The following SAFB2 variants were observed in gnomAD, a reference collection of about 807,000 sequenced individuals.
The protein encoded by SAFB2 is scaffold attachment factor B2.
SAFB2 carries 32 observed loss-of-function variants against 100.6 expected under a neutral mutation model. The ratio of observed to expected loss-of-function variants is 0.32; its 90% CI spans 0.24 to 0.43. The LOEUF is 0.43. Among genes scored for constraint, SAFB2 ranks in the 20% least tolerant of loss-of-function variants. SAFB2 has a pLI of 1.00. For synonymous variants in SAFB2, 500 were observed against 439.4 expected, an observed-to-expected ratio of 1.14 and a Z score of -1.72; for missense variants, 1,185 against 1,163.4, an observed-to-expected ratio of 1.02 and a Z score of -0.27.
rs960661563 is a variant in SAFB2, at chr19:5,610,470, G to A, written c.1195+169C>T. On this transcript the variant is annotated intron_variant, in intron 8 of 20. Transcript: ENST00000252542. ...AACCACAAGAGAAACATAAAATGCAGGTGCTTGCGAACTTCTAAAACTAGT... is the reference window on the plus strand; with the variant it reads ...AACCACAAGAGAAACATAAAATGCAAGTGCTTGCGAACTTCTAAAACTAGT... 12 of 635,602 alleles carry A rather than the reference G, an allele frequency of 1.9e-5. No individual in the cohort carries two copies. The Admixed American group carries it at 3.5e-4, about 19-fold the overall frequency. The allele number at this position is 635,602 out of a possible 1,614,324, so 39.4% of individuals were successfully genotyped here.
At chr19:5,595,986 C>G (rs181913162) in intron 13 of SAFB2, among the ~76,000 whole-genome samples, 8 of 152,254 alleles carry the variant, frequency 5.3e-5, no homozygotes, top group Admixed American at 5.2e-4. Flanking sequence ...TATGCCAGGC[C>G]GGGCGCAGTG....
chr19:5,598,152 A>T (rs1029217370), intron 13 of SAFB2, among the ~76,000 whole-genome samples: 68 of 152,092 alleles, frequency 4.5e-4, no homozygotes, highest in Non-Finnish European at 7.4e-4. Context: ...AAAAAAAAAA[A>T]AAGTTAAGTC....
rs754239562 is a variant in SAFB2, at chr19:5,610,060, C to T, written c.1231G>A (p.Val411Ile). Reference sequence around the variant, plus strand: ...CGTGTTGTGGAGGACAGCCCGCTGACCCACAGGTTCCGACCAGAACCGCTG... The same window carrying T: ...CGTGTTGTGGAGGACAGCCCGCTGATCCACAGGTTCCGACCAGAACCGCTG... The part of the protein sequence containing the change: ...VGSGSGRNLW[V>I]SGLSSTTRAT... The change falls in exon 9 of 21, where the codon GTC (valine) becomes ATC (isoleucine). Residue 411 changes from valine to isoleucine, a missense_variant. By Grantham distance (29) the Val-to-Ile change is conservative. Around this residue, in one of 3 missense-constraint regions of SAFB2, gnomAD observed 94 missense variants for 135.1 expected, o/e 0.70. Transcript: ENST00000252542. 5 of 1,614,054 alleles carry T rather than the reference C, an allele frequency of 3.1e-6. No homozygotes were observed. The highest frequency in any genetic ancestry group is 4.2e-6 in the Non-Finnish European group (5 of 1,180,034).
intron 14 of SAFB2, 86 bp from the exon 15 acceptor site, chr19:5,594,264 A>C: frequency 1.4e-6 from 2 of 1,420,842 alleles, no homozygotes; most frequent in Non-Finnish European, 9.2e-7. Context: ...TGTGTATTGG[A>C]AGCAGAAAAA....
chr19:5,616,190 C>CAAAAGG lies in SAFB2; in HGVS notation c.484_485insCCTTTT (p.Ser162delinsThrPheCys). On this transcript the variant is annotated protein_altering_variant, in exon 4 of 21. Coordinates refer to ENST00000252542, the MANE Select transcript of SAFB2 (RefSeq NM_014649.3). ...CAGCTGTGCAGCCACGTATTCTTTA[C>CAAAAGG]TATCACAAAAGGAATCGAGAAGGCC... The CAAAAGG allele has an allele frequency of 6.2e-7, 1 of 1,614,236 alleles. No homozygotes were observed. Among genetic ancestry groups the CAAAAGG allele is most frequent in the Non-Finnish European group, 8.5e-7 (1 of 1,180,054 alleles).
Position 5,602,166 on chromosome 19 carries a change from C to A in SAFB2, c.1560-1906G>T, listed in dbSNP as rs571501623. ...CTCAACCTCCTAGGCAAACAACCTG[C>A]ATGCAGTTTGGTCTTAAAGATCTTA... On this transcript the variant is annotated intron_variant, in intron 11 of 20. Transcript: ENST00000252542. 6.6e-5 allele frequency among the ~76,000 whole-genome samples: 10 copies of A among 152,242 alleles called. No individual in the cohort carries two copies. In the South Asian group the frequency reaches 1.5e-3, roughly 22 times the overall value.
At position 5,617,007 on chromosome 19, in the gene SAFB2, A is replaced by G. The variant is rs199924768; in HGVS notation, c.275-521T>C. ...GAGATGAAAATCTAGGATTCCTCTT[A>G]GATTCAGAGTACTCTGATTTTCCAC... On this transcript the variant is annotated intron_variant, in intron 2 of 20. Transcript: ENST00000252542. Among the ~76,000 whole-genome samples, 11 of 152,244 alleles carry G rather than the reference A, an allele frequency of 7.2e-5. No individual in the cohort carries two copies. In the East Asian group the frequency reaches 2.1e-3, roughly 29 times the overall value.
Position 5,600,147 on chromosome 19 carries a change from G to A in SAFB2, c.1673C>T (p.Ser558Phe), listed in dbSNP as rs2052623823. The A allele has an allele frequency of 1.2e-6, 2 of 1,613,954 alleles. No individual in the cohort carries two copies. Among genetic ancestry groups the A allele is most frequent in the Non-Finnish European group, 8.5e-7 (1 of 1,179,968 alleles). Residue 558 changes from serine (S) to phenylalanine (F), a missense_variant, in exon 12 of 21, where the codon TCT becomes TTT. Physicochemically the swap from Ser to Phe is radical, Grantham distance 155. This residue lies in a region of SAFB2 where 740 missense variants were observed against 687.1 expected (regional missense o/e 1.08). Transcript: ENST00000252542. ...CTCCTCACCTGATTTGGTGACTCTA[G>A]ACCGATTTGTAGGTCCGGGTTTCAG... ...DELKPGPTNRSRVTKSGSRGM... is the reference protein window; with the variant it reads ...DELKPGPTNRFRVTKSGSRGM...
intron 11 of SAFB2, among the ~76,000 whole-genome samples, chr19:5,604,274 C>T (rs1599254227): frequency 6.6e-6 from 1 of 152,128 alleles, no homozygotes; most frequent in Admixed American, 6.6e-5. Flanking sequence ...GGGTGGTGTA[C>T]GCCTGCAGTA....
chr19:5,604,812 T>C lies in SAFB2; in HGVS notation c.1421A>G (p.His474Arg), dbSNP rs2145339394. ...CISHLHRTEL[H>R]GRMISVEKAK... is the part of the protein sequence containing the mutation. ...CTTCTCTACGGAGATCATTCGTCCA[T>C]GCAGCTCAGTTCTGTGGAGATGGCT... The change falls in exon 10 of 21, where the codon CAT becomes CGT. Residue 474 changes from histidine to arginine, a missense_variant. His to Arg is a conservative substitution (Grantham distance 29, BLOSUM62 0). This residue lies in a region of SAFB2 where 94 missense variants were observed against 135.1 expected (regional missense o/e 0.70). Coordinates refer to ENST00000252542, the MANE Select transcript of SAFB2 (RefSeq NM_014649.3). 2 of 1,614,184 alleles carry C rather than the reference T, an allele frequency of 1.2e-6. No individual in the cohort carries two copies. Among genetic ancestry groups the C allele is most frequent in the South Asian group, 1.1e-5 (1 of 91,074 alleles).
intron 4 of SAFB2, among the ~76,000 whole-genome samples, chr19:5,615,730 A>C (rs1257442503): frequency 6.6e-6 from 1 of 152,142 alleles, no homozygotes; most frequent in Non-Finnish European, 1.5e-5. Context: ...TTGCTTCTTA[A>C]AACTGTATTT....
At chr19:5,595,841 C>G (rs1486737751) in intron 13 of SAFB2, among the ~76,000 whole-genome samples, 1 of 152,242 alleles carries the variant, frequency 6.6e-6, no homozygotes, top group Non-Finnish European at 1.5e-5. Context: ...ACGGGCACAT[C>G]CGCACAGGGC....
At chr19:5,619,539 T>C (rs1229130401) in intron 2 of SAFB2, among the ~76,000 whole-genome samples, 1 of 152,200 alleles carries the variant, frequency 6.6e-6, no homozygotes, top group Non-Finnish European at 1.5e-5. Flanking sequence ...GCAAAGATCA[T>C]TAGAAATGAT....
At chr19:5,621,848 C>G (rs957631946) in intron 1 of SAFB2, among the ~76,000 whole-genome samples, 1 of 152,222 alleles carries the variant, frequency 6.6e-6, no homozygotes, top group Non-Finnish European at 1.5e-5. Flanking sequence ...GACTGGGTAC[C>G]CACAAGCTCC....
chr19:5,613,362 C>CAGTA (rs1264170495), intron 5 of SAFB2, 103 bp downstream of exon 5: 16 of 1,028,326 alleles, frequency 1.6e-5, no homozygotes, highest in Non-Finnish European at 2.2e-5. Context: ...GCATCCAGCA[C>CAGTA]AGTATCCAGT....
chr19:5,611,790 C>T (rs1166465604), intron 6 of SAFB2, 160 bp from the exon 7 acceptor site: 4 of 588,730 alleles, frequency 6.8e-6, no homozygotes, highest in Non-Finnish European at 1.2e-5. Flanking sequence ...ATACTGGTTA[C>T]ACTACCTGCG....
intron 17 of SAFB2, 161 bp downstream of exon 17, chr19:5,591,587 T>C: frequency 1.6e-6 from 1 of 626,796 alleles, no homozygotes; most frequent in Middle Eastern, 3.9e-4. Flanking sequence ...TAAATATTTG[T>C]ACTTCTAGTC....
Position 5,600,058 on chromosome 19 carries a change from T to C in SAFB2, c.1690+72A>G, listed in dbSNP as rs555999903. On this transcript the variant is annotated intron_variant, in intron 12 of 20. Transcript: ENST00000252542. ...GTCACCAGAGCTTGCTGTCCTCACC[T>C]TCCCTCGGAACCCCCACTCCCCACC... 2.4e-4 allele frequency: 370 copies of C among 1,512,814 alleles called. 2 individuals are homozygous for C. The South Asian group carries it at 3.1e-3, about 12-fold the overall frequency. The allele number at this position is 1,512,814 out of a possible 1,614,324, so 93.7% of individuals were successfully genotyped here.
rs2053183736 is a variant in SAFB2 at position 5,622,438 on chromosome 19, A to T, written c.186+92T>A. ...GTCGGCCAAGACGCGGGGCGAACCCAGGGCGCCCCGGGTCCGGGAGCCGCG... is the reference window on the plus strand; with the variant it reads ...GTCGGCCAAGACGCGGGGCGAACCCTGGGCGCCCCGGGTCCGGGAGCCGCG... On this transcript the variant is annotated intron_variant, in intron 1 of 20. Coordinates refer to ENST00000252542, the MANE Select transcript of SAFB2 (RefSeq NM_014649.3). The T allele has an allele frequency of 3.8e-6, 5 of 1,319,100 alleles. No individual in the cohort carries two copies. The South Asian group carries it at 8.2e-5, about 22-fold the overall frequency. The allele number at this position is 1,319,100 out of a possible 1,614,324, so 81.7% of individuals were successfully genotyped here.
Sources: allele counts gnomAD v4.1 joint callset (sites outside exome capture counted in the v4.1 genomes callset), GRCh38; gene constraint gnomAD v4.1.1; regional missense constraint gnomAD v4.1.1; transcripts MANE v1.5; gene names NCBI Gene and HGNC (gene_info 2026-07-23, HGNC 2026-07-21).